Variants in TSPAN9 observed in about 807,000 individuals in gnomAD.
TSPAN9 encodes the protein tetraspanin 9.
In TSPAN9, 16 loss-of-function variants were observed where a neutral mutation model predicts 31.0. The ratio of observed to expected loss-of-function variants is 0.52; its 90% confidence interval spans 0.35 to 0.78. The LOEUF is 0.78. Among genes scored for constraint, TSPAN9 ranks in the 30% least tolerant of loss-of-function variants. TSPAN9 has a pLI of 0.01. For missense variants in TSPAN9, 272 were observed against 312.5 expected (o/e 0.87, Z 0.98); for synonymous variants, 145 against 121.6 (o/e 1.19, Z -1.27).
intron 3 of TSPAN9, among the ~76,000 whole-genome samples, chr12:3,242,252 C>T (rs1043860934): frequency 2.6e-5 from 4 of 152,248 alleles, no homozygotes; most frequent in African/African-American, 7.2e-5. Flanking sequence ...GGTTGAGCTG[C>T]TTCAGGGCAA....
chr12:3,242,859 C>T (rs1263150721), intron 3 of TSPAN9, among the ~76,000 whole-genome samples: 2 of 152,236 alleles, frequency 1.3e-5, no homozygotes, highest in African/African-American at 4.8e-5. Flanking sequence ...TGCTGACTGC[C>T]AGGCATCGTG....
chr12:3,226,706 G>A (rs918117447), intron 3 of TSPAN9, among the ~76,000 whole-genome samples: 4 of 25,366 alleles, frequency 1.6e-4, no homozygotes, highest in Admixed American at 5.6e-4. Context: ...GTGTGTGTGT[G>A]TATGTGTATG....
At chr12:3,241,081 G>A (rs2098396330) in intron 3 of TSPAN9, among the ~76,000 whole-genome samples, 1 of 152,174 alleles carries the variant, frequency 6.6e-6, no homozygotes, top group Non-Finnish European at 1.5e-5. Context: ...GGTTCCAAGA[G>A]CCTTGAAAAC....
At chr12:3,246,708 A>G (rs1221898687) in intron 3 of TSPAN9, among the ~76,000 whole-genome samples, 1 of 152,208 alleles carries the variant, frequency 6.6e-6, no homozygotes, top group Non-Finnish European at 1.5e-5. Flanking sequence ...GGGGTAGGGC[A>G]GAGCAAAACT....
rs117412730 is a variant in TSPAN9, at chr12:3,114,048, A to G, written c.-18+30329A>G. ...GGGCCATAAACCCCACGAGGACTTA[A>G]TCATCCCTTCTCCTCTCCTGCATCT... On this transcript the variant is annotated intron_variant, in intron 2 of 8. Transcript: ENST00000011898. Among the ~76,000 whole-genome samples the G allele has an allele frequency of 1.3e-3, 201 of 152,246 alleles. 2 individuals carry two copies. The East Asian group carries it at 0.037, about 28-fold the overall frequency.
chr12:3,105,898 G>A (rs74057536), intron 2 of TSPAN9, among the ~76,000 whole-genome samples: 5,875 of 151,558 alleles, frequency 0.039, 390 homozygotes, highest in African/African-American at 0.13. Context: ...ATGGTCACGG[G>A]CACTCATGTT....
chr12:3,148,096 AAGGG>A (rs1217797865), intron 2 of TSPAN9, among the ~76,000 whole-genome samples: 1 of 152,150 alleles, frequency 6.6e-6, no homozygotes, highest in Non-Finnish European at 1.5e-5. Flanking sequence ...CTTTGAAAGA[AAGGG>A]AGGAAGGGCA....
intron 2 of TSPAN9, among the ~76,000 whole-genome samples, chr12:3,111,219 C>A (rs894669489): frequency 1.3e-5 from 2 of 152,204 alleles, no homozygotes; most frequent in Non-Finnish European, 2.9e-5. Context: ...TCTTGTACCA[C>A]TTCAGAACAT....
At chr12:3,163,487 C>T (rs79803202) in intron 2 of TSPAN9, among the ~76,000 whole-genome samples, 9,640 of 152,210 alleles carry the variant, frequency 0.063, 1,037 homozygotes, top group African/African-American at 0.22. Flanking sequence ...CCTTCCACCC[C>T]GCTACACCTA....
chr12:3,087,010 T>A lies in TSPAN9; in HGVS notation c.-18+3291T>A, dbSNP rs140106691. ...CAGGTTCAGAGTCAGGGAGAGGGCC[T>A]CTGAGGACAGTGAACAGGTGAGGGA... is the stretch of plus-strand genomic sequence containing the variant. On this transcript the variant is annotated intron_variant, in intron 2 of 8. Coordinates refer to ENST00000011898, the MANE Select transcript of TSPAN9 (RefSeq NM_006675.5). Among the ~76,000 whole-genome samples, 18 of 152,248 alleles carry A rather than the reference T, an allele frequency of 1.2e-4. No homozygotes were observed. The East Asian group carries it at 3.5e-3, about 29-fold the overall frequency.
intron 2 of TSPAN9, among the ~76,000 whole-genome samples, chr12:3,114,895 G>T: frequency 6.6e-6 from 1 of 150,894 alleles, no homozygotes; most frequent in African/African-American, 2.4e-5. Context: ...TAAGGAAGAA[G>T]GCCAACAGGT....
chr12:3,280,359 C>G lies in TSPAN9; in HGVS notation c.331-23C>G. ...AGCTGCGTCCTGGTTCCAACCGTCTCACTGTGTCCCTCCGCCTGGCAGGTG... is the reference window on the plus strand; with the variant it reads ...AGCTGCGTCCTGGTTCCAACCGTCTGACTGTGTCCCTCCGCCTGGCAGGTG... On this transcript the variant is annotated intron_variant, in intron 5 of 8. Transcript: ENST00000011898. This position sits in a 1 kb window ranked among gnomAD's most constrained non-coding sequence, Gnocchi z 4.5. 6.2e-7 allele frequency: 1 copy of G among 1,608,872 alleles called. No homozygotes were observed.
At chr12:3,121,749 G>A (rs2098325257) in intron 2 of TSPAN9, among the ~76,000 whole-genome samples, 1 of 152,018 alleles carries the variant, frequency 6.6e-6, no homozygotes, top group Non-Finnish European at 1.5e-5. Context: ...CAATTGGCTG[G>A]ATCTGGCTCT....
chr12:3,282,964 T>G, intron 8 of TSPAN9, 81 bp from the exon 9 acceptor site: 120 of 1,445,554 alleles, frequency 8.3e-5, no homozygotes, highest in Non-Finnish European at 1.0e-4. Context: ...AGGTGCCCTG[T>G]GACATCCCAA....
intron 2 of TSPAN9, among the ~76,000 whole-genome samples, chr12:3,141,316 A>G (rs960271975): frequency 2.6e-4 from 39 of 152,138 alleles, no homozygotes; most frequent in African/African-American, 9.2e-4. Flanking sequence ...GTGAGAGCAC[A>G]CAGGGATCTT....
intron 2 of TSPAN9, among the ~76,000 whole-genome samples, chr12:3,161,383 T>G (rs917840499): frequency 6.6e-6 from 1 of 152,326 alleles, no homozygotes; most frequent in East Asian, 1.9e-4. Context: ...ACTCTTACAT[T>G]TAGGTTCATG....
chr12:3,157,323 A>C (rs10744596), intron 2 of TSPAN9, among the ~76,000 whole-genome samples: 171 of 152,206 alleles, frequency 1.1e-3, no homozygotes, highest in African/African-American at 4.0e-3. Flanking sequence ...GGGTGGTCTC[A>C]ATCTCCTGAC....
chr12:3,145,297 ACTGC>A (rs2098336642), intron 2 of TSPAN9, among the ~76,000 whole-genome samples: 1 of 152,104 alleles, frequency 6.6e-6, no homozygotes, highest in Non-Finnish European at 1.5e-5. Flanking sequence ...GTCCTCCCTG[ACTGC>A]CAGTCCATGG....
chr12:3,207,804 G>A (rs2098376139), intron 3 of TSPAN9, among the ~76,000 whole-genome samples: 1 of 97,636 alleles, frequency 1.0e-5, no homozygotes, highest in South Asian at 2.6e-4. Context: ...CGGCCAAGGA[G>A]GAGAGGGACA....
Sources: allele counts gnomAD v4.1 joint callset (sites outside exome capture counted in the v4.1 genomes callset), GRCh38; gene constraint gnomAD v4.1.1; non-coding constraint Gnocchi (gnomAD v3.1); transcripts MANE v1.5; gene names NCBI Gene and HGNC (gene_info 2026-07-23, HGNC 2026-07-21).